BCR: variants seen among roughly 807,000 people sequenced by gnomAD.
BCR encodes breakpoint cluster region protein.
Under a neutral mutation model 138.6 loss-of-function variants are expected in BCR, and 58 were observed. The observed-to-expected ratio is 0.42, with a 90% CI of 0.34 to 0.52. The LOEUF (loss-of-function observed/expected upper bound fraction) is 0.52. BCR is among the 20% of genes least tolerant of loss of function. The pLI is 0.06. For synonymous variants in BCR, 786 were observed against 730.1 expected (o/e 1.08, Z -1.23); for missense variants, 1,599 against 1,727.2 (o/e 0.93, Z 1.32).
At chr22:23,231,759 A>G (rs2072961767) in intron 1 of BCR, among the ~76,000 whole-genome samples, 1 of 152,206 alleles carries the variant, frequency 6.6e-6, no homozygotes, top group Admixed American at 6.5e-5. Flanking sequence ...TCATGGAGCA[A>G]ATGGGCCTGT....
rs774965943 is a variant in BCR at position 23,289,540 on chromosome 22, T to A, written c.2626T>A (p.Ser876Thr). 1.2e-6 allele frequency: 2 copies of A among 1,614,176 alleles called. No homozygotes were observed. Among genetic ancestry groups the A allele is most frequent in the Non-Finnish European group, 1.7e-6 (2 of 1,180,004 alleles). The stretch of plus-strand genomic sequence containing the variant: ...AGGTTTCAGAAGCTTCTCCCTGACA[T>A]CCGTGGAGCTGCAGATGCTGACCAA... Reference protein sequence around the residue: ...KKCFRSFSLTSVELQMLTNSC... With the variant: ...KKCFRSFSLTTVELQMLTNSC... Residue 876 changes from serine to threonine, a missense_variant, in exon 13 of 23, where the codon TCC (serine) becomes ACC (threonine). Physicochemically the swap from Ser to Thr is moderately conservative, Grantham distance 58. Transcript: ENST00000305877.
intron 21 of BCR, 133 bp downstream of exon 21, chr22:23,314,206 G>A: frequency 1.4e-6 from 1 of 733,342 alleles, no homozygotes; most frequent in South Asian, 1.7e-5. Flanking sequence ...ACTGCCTTTG[G>A]CGACTAGTGC....
intron 1 of BCR, among the ~76,000 whole-genome samples, chr22:23,215,725 G>A (rs539776741): frequency 9.4e-4 from 143 of 152,286 alleles, no homozygotes; most frequent in Middle Eastern, 3.4e-3. Flanking sequence ...TTATGACACT[G>A]CCTCCTAAGT....
intron 1 of BCR, among the ~76,000 whole-genome samples, chr22:23,202,546 C>T (rs1212176456): frequency 6.6e-6 from 1 of 152,146 alleles, no homozygotes; most frequent in Admixed American, 6.5e-5. Context: ...TCCCTGTAAC[C>T]ACCATTCTAC....
chr22:23,273,883 C>T (rs2073540208), intron 8 of BCR, 109 bp downstream of exon 8: 5 of 1,470,890 alleles, frequency 3.4e-6, no homozygotes, highest in Non-Finnish European at 4.7e-6. Flanking sequence ...GCAGACCTTG[C>T]CTTCTGGGAT....
At chr22:23,231,987 C>T (rs1403923450) in intron 1 of BCR, among the ~76,000 whole-genome samples, 7 of 152,204 alleles carry the variant, frequency 4.6e-5, no homozygotes, top group African/African-American at 9.7e-5. Flanking sequence ...GCAGCTCATC[C>T]CTCAGGCCCT....
chr22:23,296,297 C>G (rs1461186727), intron 16 of BCR, among the ~76,000 whole-genome samples: 2 of 148,776 alleles, frequency 1.3e-5, no homozygotes, highest in East Asian at 4.0e-4. Flanking sequence ...TGGCATGAAC[C>G]TGGGAGGCGG....
intron 1 of BCR, among the ~76,000 whole-genome samples, chr22:23,219,875 C>T (rs183071543): frequency 2.0e-5 from 3 of 149,518 alleles, no homozygotes; most frequent in East Asian, 2.0e-4. Context: ...CTCCTCCGGC[C>T]GCTCTCAGCC....
intron 1 of BCR, among the ~76,000 whole-genome samples, chr22:23,250,471 G>A (rs2073211883): frequency 1.3e-5 from 2 of 152,192 alleles, no homozygotes; most frequent in East Asian, 3.9e-4. Flanking sequence ...ATGAGGAAGG[G>A]GCTTTGCTGG....
chr22:23,208,478 C>CA, intron 1 of BCR, among the ~76,000 whole-genome samples: 1 of 152,120 alleles, frequency 6.6e-6, no homozygotes, highest in South Asian at 2.1e-4. Context: ...TTAAAAATAA[C>CA]ACAGTTCAGT....
intron 4 of BCR, chr22:23,262,697 G>GCC (rs796540948): frequency 1.0e-3 from 181 of 178,788 alleles, no homozygotes; most frequent in African/African-American, 6.8e-3. Flanking sequence ...GGAATGGCGG[G>GCC]CCCGGGTGAG....
intron 8 of BCR, among the ~76,000 whole-genome samples, chr22:23,279,200 T>G (rs5759676): frequency 0.15 from 22,328 of 152,202 alleles, 2,922 homozygotes; most frequent in African/African-American, 0.35. Flanking sequence ...AGCATTGTTC[T>G]TCCCAGGCCC....
intron 16 of BCR, 148 bp from the exon 17 acceptor site, chr22:23,309,276 C>A (rs557560515): frequency 3.8e-5 from 29 of 756,612 alleles, no homozygotes; most frequent in African/African-American, 3.8e-4. Flanking sequence ...CCTTACTCTA[C>A]CTCTGTTGGC....
intron 1 of BCR, among the ~76,000 whole-genome samples, chr22:23,190,358 G>A (rs911797142): frequency 1.3e-5 from 2 of 152,068 alleles, no homozygotes; most frequent in Non-Finnish European, 2.9e-5. Context: ...AGTAGAGACG[G>A]GGTTTCACCA....
In BCR at chr22:23,243,533, A is replaced by G. The variant is rs145639599; in HGVS notation, c.1280-10266A>G. ...AAGAGGCCATGGAAGCTCCCCCACA[A>G]TACACACCCTGTTACCCAGCCCTCT... On this transcript the variant is annotated intron_variant, in intron 1 of 22. Coordinates refer to ENST00000305877, the MANE Select transcript of BCR (RefSeq NM_004327.4). Among the ~76,000 whole-genome samples, 357 of 152,228 alleles carry G rather than the reference A, an allele frequency of 2.3e-3. 3 individuals are homozygous for G. Among genetic ancestry groups the G allele is most frequent in the African/African-American group, 8.2e-3 (340 of 41,540 alleles).
chr22:23,194,052 T>C (rs1313555049), intron 1 of BCR, among the ~76,000 whole-genome samples: 1 of 152,210 alleles, frequency 6.6e-6, no homozygotes, highest in Non-Finnish European at 1.5e-5. Context: ...GCCGTCTGAC[T>C]GGTTGGAAGC....
At chr22:23,268,797 G>T (rs1429287638) in intron 5 of BCR, among the ~76,000 whole-genome samples, 1 of 152,212 alleles carries the variant, frequency 6.6e-6, no homozygotes, top group Non-Finnish European at 1.5e-5. Context: ...GCAGTGAGGG[G>T]TGTCTGTAGT....
chr22:23,312,486 A>G (rs903152368), intron 19 of BCR: 23 of 182,832 alleles, frequency 1.3e-4, no homozygotes, highest in East Asian at 3.8e-4. Context: ...CCAATGGCCA[A>G]TTGGGTCCAA....
intron 16 of BCR, among the ~76,000 whole-genome samples, chr22:23,296,603 A>G (rs889732097): frequency 2.6e-5 from 4 of 152,052 alleles, no homozygotes; most frequent in Non-Finnish European, 5.9e-5. Flanking sequence ...TTATAAGGGA[A>G]CTCAGTGGCT....
Sources: gnomAD v4.1 joint callset for allele counts (sites outside exome capture counted in the v4.1 genomes callset) on GRCh38, gnomAD v4.1.1 for gene constraint, MANE v1.5 for transcripts, NCBI Gene and HGNC (gene_info 2026-07-23, HGNC 2026-07-21) for gene names.